SAMD5: variants seen among roughly 807,000 people sequenced by gnomAD.
SAMD5 encodes sterile alpha motif domain containing 5, also known as sterile alpha motif domain-containing protein 5.
Under a neutral mutation model 11.3 loss-of-function variants are expected in SAMD5, and 13 were observed. That is an observed-to-expected ratio of 1.15 (90% CI 0.75 to 1.83). The LOEUF (loss-of-function observed/expected upper bound fraction) is 1.83, where lower values mean the gene tolerates loss of function less well. SAMD5 is among the 40% of genes most tolerant of loss of function. SAMD5 has a pLI of 0.00. For missense variants in SAMD5, 255 were observed against 239.1 expected (o/e 1.07, Z -0.44); for synonymous variants, 129 against 111.3 (o/e 1.16, Z -1.00).
the SAMD5 span, among the ~76,000 whole-genome samples, chr6:147,862,291 CTT>C: frequency 1.3e-5 from 2 of 152,140 alleles, no homozygotes; most frequent in East Asian, 3.9e-4. Context: ...TGGTGGAAAA[CTT>C]AACTCATGCT....
At chr6:147,591,181 C>T (rs1045353680) in intron 1 of SAMD5, among the ~76,000 whole-genome samples, 4 of 151,372 alleles carry the variant, frequency 2.6e-5, no homozygotes, top group Non-Finnish European at 5.9e-5. Context: ...GGGAAAAGGT[C>T]AACAGAGCAA....
chr6:147,796,777 C>G, the SAMD5 span, among the ~76,000 whole-genome samples: 1 of 151,546 alleles, frequency 6.6e-6, no homozygotes, highest in African/African-American at 2.4e-5. Context: ...TGAAGAGGTC[C>G]TTCACATCCC....
chr6:147,610,868 A>AG (rs1227783170), intron 1 of SAMD5, among the ~76,000 whole-genome samples: 1 of 120,442 alleles, frequency 8.3e-6, no homozygotes, highest in Non-Finnish European at 1.7e-5. Context: ...AATAAAAGCC[A>AG]GAATTTTTTT....
At chr6:147,632,075 G>T (rs1168452914) in intron 1 of SAMD5, among the ~76,000 whole-genome samples, 1 of 152,144 alleles carries the variant, frequency 6.6e-6, no homozygotes, top group African/African-American at 2.4e-5. Context: ...AGGTGGGAGT[G>T]ACCGATGAGA....
the SAMD5 span, among the ~76,000 whole-genome samples, chr6:147,908,758 A>C: frequency 6.6e-6 from 1 of 152,224 alleles, no homozygotes; most frequent in Admixed American, 6.5e-5. Context: ...AGCTTATTGA[A>C]GGGATCTTGG....
intron 1 of SAMD5, among the ~76,000 whole-genome samples, chr6:147,540,517 T>C (rs1788582974): frequency 6.6e-6 from 1 of 152,224 alleles, no homozygotes; most frequent in African/African-American, 2.4e-5. Context: ...AGGAATTTCA[T>C]ACAGTATTTA....
At chr6:147,899,127 C>T in the SAMD5 span, among the ~76,000 whole-genome samples, 7 of 143,188 alleles carry the variant, frequency 4.9e-5, no homozygotes, top group South Asian at 8.9e-4. Flanking sequence ...GCCAAGATCG[C>T]GCCACTGCAC....
intron 1 of SAMD5, among the ~76,000 whole-genome samples, chr6:147,624,122 A>C (rs752841695): frequency 3.5e-4 from 54 of 152,320 alleles, no homozygotes; most frequent in Non-Finnish European, 6.9e-4. Context: ...CACCCGCCTC[A>C]GCCTCTCAAA....
the SAMD5 span, among the ~76,000 whole-genome samples, chr6:147,894,059 G>C: frequency 6.6e-6 from 1 of 151,118 alleles, no homozygotes; most frequent in Non-Finnish European, 1.5e-5. Flanking sequence ...TCTTTGAGGG[G>C]ATTTCTATGC....
chr6:147,766,882 A>G, the SAMD5 span, among the ~76,000 whole-genome samples: 1 of 152,236 alleles, frequency 6.6e-6, no homozygotes, highest in Admixed American at 6.5e-5. Context: ...GATTTGCAAA[A>G]GTTAATTGAG....
chr6:147,802,509 T>C, the SAMD5 span, among the ~76,000 whole-genome samples: 2 of 152,228 alleles, frequency 1.3e-5, no homozygotes, highest in Non-Finnish European at 2.9e-5. Context: ...CAGTTTCTTA[T>C]AAAGTTAAAC....
chr6:147,907,021 G>T, the SAMD5 span, among the ~76,000 whole-genome samples: 5 of 152,248 alleles, frequency 3.3e-5, no homozygotes, highest in African/African-American at 1.2e-4. Flanking sequence ...GAGGTCTGCC[G>T]AAGTCTGATT....
the SAMD5 span, among the ~76,000 whole-genome samples, chr6:147,744,212 G>A: frequency 1.3e-5 from 2 of 152,168 alleles, no homozygotes; most frequent in Non-Finnish European, 2.9e-5. Flanking sequence ...CCTTAGGTAA[G>A]TTACTTAACC....
chr6:147,670,851 G>A (rs944117956), intron 1 of SAMD5, among the ~76,000 whole-genome samples: 1 of 152,232 alleles, frequency 6.6e-6, no homozygotes, highest in East Asian at 1.9e-4. Context: ...GTTCACCGTA[G>A]TAGCACTTTA....
the SAMD5 span, among the ~76,000 whole-genome samples, chr6:147,813,808 T>C: frequency 6.6e-6 from 1 of 152,248 alleles, no homozygotes; most frequent in Non-Finnish European, 1.5e-5. Flanking sequence ...ACTGAGTACC[T>C]GTGATTTCCA....
At chr6:147,833,480 G>C in the SAMD5 span, among the ~76,000 whole-genome samples, 4 of 152,108 alleles carry the variant, frequency 2.6e-5, no homozygotes, top group African/African-American at 9.7e-5. Flanking sequence ...TGTGTTTATG[G>C]AAAGGTATCA....
intron 1 of SAMD5, among the ~76,000 whole-genome samples, chr6:147,651,322 C>T (rs1790480525): frequency 6.6e-6 from 1 of 152,228 alleles, no homozygotes; most frequent in Admixed American, 6.5e-5. Flanking sequence ...CACATTGTAG[C>T]CACTGTAACT....
At chr6:147,749,460 GC>G in the SAMD5 span, among the ~76,000 whole-genome samples, 1 of 152,182 alleles carries the variant, frequency 6.6e-6, no homozygotes, top group Non-Finnish European at 1.5e-5. Flanking sequence ...GAGCCGCTGT[GC>G]CCAACCTGTT....
At chr6:147,702,181 G>A (rs984772884) in intron 1 of SAMD5, among the ~76,000 whole-genome samples, 2 of 152,174 alleles carry the variant, frequency 1.3e-5, no homozygotes, top group African/African-American at 4.8e-5. Flanking sequence ...AAAACCATTA[G>A]ATCTTGTGAG....
Sources: gnomAD v4.1 joint callset for allele counts (sites outside exome capture counted in the v4.1 genomes callset) on GRCh38, gnomAD v4.1.1 for gene constraint, MANE v1.5 for transcripts, NCBI Gene and HGNC (gene_info 2026-07-23, HGNC 2026-07-21) for gene names.